Variants in TRIM37 observed in about 807,000 individuals in gnomAD.
TRIM37 encodes E3 ubiquitin-protein ligase TRIM37.
A neutral mutation model predicts 129.8 loss-of-function variants in TRIM37; 80 were observed. That is an observed-to-expected ratio of 0.62 (90% confidence interval 0.51 to 0.74). The LOEUF is 0.74. TRIM37 is among the 30% of genes least tolerant of loss of function. TRIM37 has a pLI of 0.00. For missense variants in TRIM37, 1,054 were observed against 1,176.5 expected, an observed-to-expected ratio of 0.90 and a Z score of 1.52; for synonymous variants, 389 against 387.1, an observed-to-expected ratio of 1.00 and a Z score of -0.06.
At chr17:59,090,784 C>G (rs924542722) in intron 3 of TRIM37, among the ~76,000 whole-genome samples, 1 of 151,942 alleles carries the variant, frequency 6.6e-6, no homozygotes, top group African/African-American at 2.4e-5. Context: ...CGCCACCACG[C>G]CCAGCTAATT....
chr17:59,052,897 G>A (rs1405380325), intron 13 of TRIM37, among the ~76,000 whole-genome samples: 4 of 152,252 alleles, frequency 2.6e-5, no homozygotes, highest in African/African-American at 9.6e-5. Context: ...AAAGGTGGCA[G>A]TGAGCCGAGA....
At chr17:59,016,925 G>A (rs1397688285) in intron 20 of TRIM37, among the ~76,000 whole-genome samples, 3 of 151,906 alleles carry the variant, frequency 2.0e-5, no homozygotes, top group African/African-American at 7.3e-5. Flanking sequence ...CCTGTAATCC[G>A]AGCACTTTGG....
rs767451430 is a variant in TRIM37 at position 59,012,482 on chromosome 17, C to A, written c.2577-36G>T. 1.1e-5 allele frequency: 14 copies of A among 1,327,290 alleles called. No individual in the cohort carries two copies. The South Asian group carries it at 1.6e-4, about 16-fold the overall frequency. 82.2% of individuals were successfully genotyped at this position (1,327,290 alleles called of 1,614,324 possible). On this transcript the variant is annotated intron_variant, in intron 21 of 23. Transcript: ENST00000262294. The stretch of plus-strand genomic sequence containing the variant: ...AAAACAACTTGATATTTCTCTATAA[C>A]TAGTGACACAATAATCTATATTTTC...
chr17:59,074,278 G>C (rs979039269), intron 8 of TRIM37, among the ~76,000 whole-genome samples: 5 of 152,000 alleles, frequency 3.3e-5, no homozygotes, highest in Non-Finnish European at 7.4e-5. Context: ...TTTGACACAT[G>C]TTTGTATATG....
intron 22 of TRIM37, among the ~76,000 whole-genome samples, chr17:59,005,445 A>G (rs2034359728): frequency 6.6e-6 from 1 of 152,084 alleles, no homozygotes; most frequent in African/African-American, 2.4e-5. Flanking sequence ...CACCACACCC[A>G]GCTAATTTTT....
In TRIM37 at chr17:59,057,911, T is replaced by A. The variant is rs187434212; in HGVS notation, c.1020-857A>T. Among the ~76,000 whole-genome samples the A allele has an allele frequency of 4.6e-5, 7 of 152,254 alleles. No homozygotes were observed. In the East Asian group the frequency reaches 1.3e-3, roughly 29 times the overall value. On this transcript the variant is annotated intron_variant, in intron 12 of 23. Transcript: ENST00000262294. Reference sequence around the variant, plus strand: ...TAAAGATGTTTACCGATATATCAGGTATAAAACAACACCTCAAAAAATAAA... The same window carrying A: ...TAAAGATGTTTACCGATATATCAGGAATAAAACAACACCTCAAAAAATAAA...
At chr17:59,052,267 T>C (rs890738932) in intron 13 of TRIM37, among the ~76,000 whole-genome samples, 8 of 151,042 alleles carry the variant, frequency 5.3e-5, no homozygotes, top group Admixed American at 1.3e-4. Flanking sequence ...CTTTGTTACA[T>C]AGCCTAACGT....
At chr17:59,080,013 C>T (rs1469950563) in intron 6 of TRIM37, 136 bp from the exon 7 acceptor site, 2 of 959,298 alleles carry the variant, frequency 2.1e-6, no homozygotes, top group Non-Finnish European at 3.1e-6. Flanking sequence ...ACCCAACTTG[C>T]TTATATTTCA....
At chr17:59,028,015 G>C (rs573733432) in intron 19 of TRIM37, among the ~76,000 whole-genome samples, 9 of 152,230 alleles carry the variant, frequency 5.9e-5, no homozygotes, top group South Asian at 4.1e-4. Flanking sequence ...CCTCCTCACA[G>C]AGACTTTCTC....
intron 4 of TRIM37, among the ~76,000 whole-genome samples, chr17:59,086,909 G>C (rs537206095): frequency 1.3e-5 from 2 of 152,318 alleles, no homozygotes; most frequent in African/African-American, 4.8e-5. Context: ...GGCCCAAAAA[G>C]AGGTAAAAGG....
At chr17:58,972,553 G>A in the TRIM37 span, among the ~76,000 whole-genome samples, 2 of 152,102 alleles carry the variant, frequency 1.3e-5, no homozygotes, top group Admixed American at 6.5e-5. Context: ...GTTTCACCAT[G>A]TTGGCCAGGC....
At chr17:59,007,093 G>A (rs960914246) in intron 22 of TRIM37, among the ~76,000 whole-genome samples, 1 of 150,968 alleles carries the variant, frequency 6.6e-6, no homozygotes, top group Non-Finnish European at 1.5e-5. Context: ...ACCGCCCTGA[G>A]AAGAGCTAAG....
intron 22 of TRIM37, among the ~76,000 whole-genome samples, chr17:59,012,121 C>T (rs566962244): frequency 2.0e-5 from 3 of 152,158 alleles, no homozygotes; most frequent in East Asian, 3.9e-4. Context: ...AATTCAGTGG[C>T]ACAAGGAATG....
At chr17:59,084,317 T>C (rs953223242) in intron 4 of TRIM37, among the ~76,000 whole-genome samples, 5 of 152,326 alleles carry the variant, frequency 3.3e-5, no homozygotes, top group African/African-American at 9.6e-5. Flanking sequence ...ACATGCGAAA[T>C]ACAGATTTGC....
intron 17 of TRIM37, among the ~76,000 whole-genome samples, chr17:59,038,636 T>C (rs1358556053): frequency 2.0e-5 from 3 of 152,148 alleles, no homozygotes; most frequent in African/African-American, 4.8e-5. Flanking sequence ...TTACCCTAAG[T>C]GTATATAAAT....
In TRIM37 at chr17:58,998,442, A is replaced by G; in HGVS notation, c.*935T>C. 1.0e-6 allele frequency: 1 copy of G among 985,462 alleles called. No homozygotes were observed. The highest frequency in any genetic ancestry group is 4.7e-5 in the South Asian group (1 of 21,290). 61.0% of individuals were successfully genotyped at this position (985,462 alleles called of 1,614,324 possible). Reference sequence around the variant, plus strand: ...ATAGCAGCTCAAACACAAATGCAGGAGCACAATGGCAAAGTTTGGCAACTG... The same window carrying G: ...ATAGCAGCTCAAACACAAATGCAGGGGCACAATGGCAAAGTTTGGCAACTG... On this transcript the variant is annotated 3_prime_UTR_variant, in exon 24 of 24. Transcript: ENST00000262294.
At chr17:59,091,595 CATTATATATATAAT>C (rs2147310237) in intron 2 of TRIM37, among the ~76,000 whole-genome samples, 1 of 37,324 alleles carries the variant, frequency 2.7e-5, no homozygotes, top group African/African-American at 1.6e-4. Context: ...ATATATTATA[CATTATATATATAAT>C]ATATATATAA....
At chr17:59,039,228 G>C (rs1568052344) in intron 17 of TRIM37, among the ~76,000 whole-genome samples, 2 of 152,066 alleles carry the variant, frequency 1.3e-5, no homozygotes, top group Admixed American at 1.3e-4. Flanking sequence ...CTGCTGAATC[G>C]ATTTAGTTGT....
rs1319041262 is a variant in TRIM37, at chr17:59,084,142, C to T, written c.282-53G>A. 3 of 1,401,586 alleles carry T rather than the reference C, an allele frequency of 2.1e-6. No homozygotes were observed. The Admixed American group carries it at 5.1e-5, about 24-fold the overall frequency. The allele number at this position is 1,401,586 out of a possible 1,614,324, so 86.8% of individuals were successfully genotyped here. ...TATAAATTAAATTGGAACATAATCA[C>T]CTCCACAAATTCTTAAGCTTGGGCA... On this transcript the variant is annotated intron_variant, in intron 4 of 23. Transcript: ENST00000262294.
Sources: gnomAD v4.1 joint callset for allele counts (sites outside exome capture counted in the v4.1 genomes callset) on GRCh38, gnomAD v4.1.1 for gene constraint, MANE v1.5 for transcripts, NCBI Gene and HGNC (gene_info 2026-07-23, HGNC 2026-07-21) for gene names.